PDGFB: variants seen among roughly 807,000 people sequenced by gnomAD.
PDGFB encodes the protein platelet derived growth factor subunit B.
A neutral mutation model predicts 29.0 loss-of-function variants in PDGFB; 6 were observed. The ratio of observed to expected loss-of-function variants is 0.21; its 90% CI spans 0.11 to 0.41. The LOEUF is 0.41. PDGFB is among the 10% of genes least tolerant of loss of function. The pLI, the probability that PDGFB is intolerant of heterozygous loss-of-function variation, is 1.00. For synonymous variants in PDGFB, 144 were observed against 140.8 expected (o/e 1.02, Z -0.16); for missense variants, 299 against 341.8 (o/e 0.87, Z 0.99).
chr22:39,232,245 C>T (rs1243282377), intron 3 of PDGFB, among the ~76,000 whole-genome samples: 1 of 152,256 alleles, frequency 6.6e-6, no homozygotes, highest in African/African-American at 2.4e-5. Flanking sequence ...GCGTGCACTG[C>T]TGTCTCACGG....
chr22:39,231,837 G>A lies in PDGFB; in HGVS notation c.251-10C>T. The stretch of plus-strand genomic sequence containing the variant: ...GCAATGGTCAGGGAACCTGGGAGGA[G>A]ACGAAACCTGGGTCAGGAGCGTAGG... On this transcript the variant is annotated splice_polypyrimidine_tract_variant and intron_variant, in intron 3 of 6. Transcript: ENST00000331163. The surrounding 1 kb of genome is among the most constrained non-coding windows in gnomAD (Gnocchi z 4.3). The A allele has an allele frequency of 6.8e-6, 11 of 1,610,550 alleles. No individual in the cohort carries two copies. The highest frequency in any genetic ancestry group is 9.3e-6 in the Non-Finnish European group (11 of 1,179,212).
chr22:39,230,952 G>A (rs1314746163), intron 4 of PDGFB, among the ~76,000 whole-genome samples: 1 of 152,240 alleles, frequency 6.6e-6, no homozygotes, highest in African/African-American at 2.4e-5. Flanking sequence ...CCCGACTAGG[G>A]TGAGACCAGG....
In PDGFB at chr22:39,235,984, TCA is replaced by T. The variant is rs1479314901; in HGVS notation, c.64-112_64-111del. The stretch of plus-strand genomic sequence containing the variant: ...CTTTCTCCTGTGGAAAGCTCCAAGG[TCA>T]CAGGGAGACGGACAGGCAGGATCCA... On this transcript the variant is annotated intron_variant, in intron 1 of 6. Coordinates refer to ENST00000331163, the MANE Select transcript of PDGFB (RefSeq NM_002608.4). 27 of 743,406 alleles carry T rather than the reference TCA, an allele frequency of 3.6e-5. 1 individual carries two copies. The South Asian group carries it at 3.8e-4, about 10-fold the overall frequency. 46.1% of individuals were successfully genotyped at this position (743,406 alleles called of 1,614,324 possible).
rs1324493608 is a variant in PDGFB at position 39,242,198 on chromosome 22, CG to C, written c.63+1702del. The C allele has an allele frequency of 4.7e-6, 1 of 210,668 alleles. No homozygotes were observed. Among genetic ancestry groups the C allele is most frequent in the Non-Finnish European group, 9.6e-6 (1 of 103,848 alleles). 13.0% of individuals were successfully genotyped at this position (210,668 alleles called of 1,614,324 possible). ...CGCGTGTGCACGGGCGTGGCAGAGGCGGGCGCGCGACCTGGCCGCGGTAGTG... is the reference window on the plus strand; with the variant it reads ...CGCGTGTGCACGGGCGTGGCAGAGGCGGCGCGCGACCTGGCCGCGGTAGTG... On this transcript the variant is annotated intron_variant, in intron 1 of 6. Transcript: ENST00000331163. The surrounding 1 kb of genome is among the most constrained non-coding windows in gnomAD (Gnocchi z 5.7).
At position 39,225,076 on chromosome 22, in the gene PDGFB, T is replaced by C. The variant is rs115727092; in HGVS notation, c.*266A>G. ...CACTCTTATCCCAAGTTCTTGGAGT[T>C]AAGGGAAGAAGATGGCGATGGAGTT... On this transcript the variant is annotated 3_prime_UTR_variant, in exon 7 of 7. Coordinates refer to ENST00000331163, the MANE Select transcript of PDGFB (RefSeq NM_002608.4). 0.016 allele frequency: 2,425 copies of C among 152,914 alleles called. 69 individuals are homozygous for C. The highest frequency in any genetic ancestry group is 0.056 in the African/African-American group (2,330 of 41,528). The allele number at this position is 152,914 out of a possible 1,614,324, so 9.5% of individuals were successfully genotyped here. A position where few individuals can be genotyped will look rare whatever the true frequency, so the allele number is the denominator to read the frequency against.
Position 39,243,280 on chromosome 22 carries a change from C to T in PDGFB, c.63+621G>A, listed in dbSNP as rs930183936. Among the ~76,000 whole-genome samples the T allele has an allele frequency of 6.8e-5, 10 of 147,592 alleles. No homozygotes were observed. Among genetic ancestry groups the T allele is most frequent in the African/African-American group, 2.4e-4 (9 of 37,254 alleles). ...TCTCTCTCTCTCTCTCTCTTTCTCT[C>T]TCTCTCTCTCTCTCTCCCTGTTACT... On this transcript the variant is annotated intron_variant, in intron 1 of 6. Transcript: ENST00000331163. The surrounding 1 kb of genome is among the most constrained non-coding windows in gnomAD (Gnocchi z 6.4).
chr22:39,234,225 G>A (rs1932385739), intron 2 of PDGFB, among the ~76,000 whole-genome samples: 1 of 152,166 alleles, frequency 6.6e-6, no homozygotes, highest in Non-Finnish European at 1.5e-5. Context: ...TCTGCCCCCA[G>A]CCGTCTGTTG....
At chr22:39,227,989 G>C (rs930814729) in intron 5 of PDGFB, among the ~76,000 whole-genome samples, 1 of 152,182 alleles carries the variant, frequency 6.6e-6, no homozygotes, top group Non-Finnish European at 1.5e-5. Flanking sequence ...CCCAGAGCCT[G>C]GGCCATCAGC....
In PDGFB at chr22:39,244,041, T is replaced by C; in HGVS notation, c.-78A>G. 4 of 137,506 alleles carry C rather than the reference T, an allele frequency of 2.9e-5. No homozygotes were observed. The highest frequency in any genetic ancestry group is 8.8e-5 in the Admixed American group (1 of 11,312). 8.5% of individuals were successfully genotyped at this position (137,506 alleles called of 1,614,324 possible). A position where few individuals can be genotyped will look rare whatever the true frequency, so the allele number is the denominator to read the frequency against. On this transcript the variant is annotated 5_prime_UTR_variant, in exon 1 of 7. Coordinates refer to ENST00000331163, the MANE Select transcript of PDGFB (RefSeq NM_002608.4). The surrounding 1 kb of genome is among the most constrained non-coding windows in gnomAD (Gnocchi z 4.5). ...CGCCCCCGCGGCCAGGGTGGGGGGC[T>C]GGGGAGGGGGGTGGGCTCGGCTCGG...
chr22:39,237,411 G>T (rs1024789801), intron 1 of PDGFB, among the ~76,000 whole-genome samples: 2 of 152,182 alleles, frequency 1.3e-5, no homozygotes, highest in African/African-American at 4.8e-5. Flanking sequence ...GGGCTGCTGG[G>T]CAACTTGAGG....
chr22:39,233,196 C>G (rs768129721), intron 3 of PDGFB, among the ~76,000 whole-genome samples: 1 of 152,170 alleles, frequency 6.6e-6, no homozygotes, highest in African/African-American at 2.4e-5. Flanking sequence ...AAATAAGGAA[C>G]GAATGAGCTT....
intron 2 of PDGFB, among the ~76,000 whole-genome samples, chr22:39,234,708 G>A (rs1318415289): frequency 2.0e-5 from 3 of 152,210 alleles, no homozygotes; most frequent in Non-Finnish European, 4.4e-5. Flanking sequence ...GAAAAGATGC[G>A]CTTTGTGGAA....
rs71326753 is a variant in PDGFB at position 39,244,732 on chromosome 22, GGCTGCGA to G, written c.-776_-770del. On this transcript the variant is annotated 5_prime_UTR_variant, in exon 1 of 7. Transcript: ENST00000331163. This position sits in a 1 kb window ranked among gnomAD's most constrained non-coding sequence, Gnocchi z 4.5. ...CTCTGGGCGTCCTCTGCGGGCTGCG[GGCTGCGA>G]GCTGCGAGCTGCGAGCTGCGGCTGC... 21,431 of 187,080 alleles carry G rather than the reference GGCTGCGA, an allele frequency of 0.11. 2,029 individuals carry two copies. Among genetic ancestry groups the G allele is most frequent in the African/African-American group, 0.28 (11,725 of 42,054 alleles). 11.6% of individuals were successfully genotyped at this position (187,080 alleles called of 1,614,324 possible).
chr22:39,228,893 A>AAAAAAAAAAAATATATATATATATATAT (rs1184799325), intron 5 of PDGFB, among the ~76,000 whole-genome samples: 6 of 132,520 alleles, frequency 4.5e-5, no homozygotes, highest in African/African-American at 7.9e-5. Context: ...CCTCAAAAAA[A>AAAAAAAAAAAATATATATATATATATAT]ATATATATAT....
chr22:39,244,001 G>C lies in PDGFB; in HGVS notation c.-38C>G. 7.9e-7 allele frequency: 1 copy of C among 1,261,158 alleles called. No homozygotes were observed. The allele number at this position is 1,261,158 out of a possible 1,614,324, so 78.1% of individuals were successfully genotyped here. ...CCCGGCCCCGCGGGGCCCCGGACGCGTAGATCGAGCGCGCCGCCCCCGCGG... is the reference window on the plus strand; with the variant it reads ...CCCGGCCCCGCGGGGCCCCGGACGCCTAGATCGAGCGCGCCGCCCCCGCGG... On this transcript the variant is annotated 5_prime_UTR_variant, in exon 1 of 7. Transcript: ENST00000331163. The surrounding 1 kb of genome is among the most constrained non-coding windows in gnomAD (Gnocchi z 4.5).
intron 1 of PDGFB, among the ~76,000 whole-genome samples, chr22:39,237,105 C>T (rs554237437): frequency 2.1e-4 from 32 of 152,266 alleles, no homozygotes; most frequent in Non-Finnish European, 4.0e-4. Context: ...GCTGCTTTCT[C>T]GCTGCCTGAC....
At chr22:39,232,588 C>T (rs964300060) in intron 3 of PDGFB, among the ~76,000 whole-genome samples, 2 of 152,108 alleles carry the variant, frequency 1.3e-5, no homozygotes, top group South Asian at 2.1e-4. Flanking sequence ...CTCCCTGGTT[C>T]AAGCAATTCT....
At position 39,233,439 on chromosome 22, in the gene PDGFB, G is replaced by C. The variant is rs1242768813; in HGVS notation, c.246C>G (p.Ser82Arg). The C allele has an allele frequency of 2.5e-6, 4 of 1,594,790 alleles. No individual in the cohort carries two copies. The highest frequency in any genetic ancestry group is 1.4e-5 in the African/African-American group (1 of 73,478). Residue 82 changes from serine to arginine, a missense_variant, in exon 3 of 7, where the codon AGC (serine) becomes AGG (arginine). Physicochemically the swap from Ser to Arg is moderately radical, Grantham distance 110 (BLOSUM62 -1). Coordinates refer to ENST00000331163, the MANE Select transcript of PDGFB (RefSeq NM_002608.4). ...ELESLARGRR[S>R]LGSLTIAEPA... The stretch of plus-strand genomic sequence containing the variant: ...TGTTGGGTGTCTCAGTCTTACCCAG[G>C]CTCCTTCTTCCACGAGCCAAGCTCT...
Position 39,244,858 on chromosome 22 carries a change from C to T in PDGFB, c.-895G>A, listed in dbSNP as rs1803616988. On this transcript the variant is annotated 5_prime_UTR_variant, in exon 1 of 7. Coordinates refer to ENST00000331163, the MANE Select transcript of PDGFB (RefSeq NM_002608.4). This position sits in a 1 kb window ranked among gnomAD's most constrained non-coding sequence, Gnocchi z 4.5. ...ATGTATGTGTGTGCGCGCAAAGTAT[C>T]TCTATCTAGGGAATGAAAAATGGGC... 1 of 187,418 alleles carries T rather than the reference C, an allele frequency of 5.3e-6. No individual in the cohort carries two copies. Among genetic ancestry groups the T allele is most frequent in the Non-Finnish European group, 1.1e-5 (1 of 90,736 alleles). The allele number at this position is 187,418 out of a possible 1,614,324, so 11.6% of individuals were successfully genotyped here.
Sources: gnomAD v4.1 joint callset for allele counts (sites outside exome capture counted in the v4.1 genomes callset) on GRCh38, gnomAD v4.1.1 for gene constraint, Gnocchi (gnomAD v3.1) non-coding constraint, MANE v1.5 for transcripts, NCBI Gene and HGNC (gene_info 2026-07-23, HGNC 2026-07-21) for gene names.